Variants in AAK1 observed in about 807,000 individuals in gnomAD.
AAK1 encodes AP2-associated protein kinase 1.
A neutral mutation model predicts 116.0 loss-of-function variants in AAK1; 37 were observed. The observed-to-expected ratio is 0.32, with a 90% confidence interval of 0.25 to 0.42. AAK1 has a LOEUF of 0.42. Ranked by LOEUF, AAK1 falls within the 10% of genes least tolerant of loss-of-function variation. The pLI is 1.00. For missense variants in AAK1, 919 were observed against 1,170.6 expected (o/e 0.79, Z 3.14); for synonymous variants, 458 against 439.9 (o/e 1.04, Z -0.51).
chr2:69,557,075 G>A, intron 2 of AAK1, 97 bp from the exon 3 acceptor site: 1 of 817,092 alleles, frequency 1.2e-6, no homozygotes, highest in Non-Finnish European at 2.1e-6. Flanking sequence ...ACTGCTAATG[G>A]TACTAATGCC....
intron 11 of AAK1, 87 bp from the exon 12 acceptor site, chr2:69,519,327 G>T (rs1470631809): frequency 9.7e-6 from 14 of 1,450,292 alleles, no homozygotes; most frequent in Non-Finnish European, 1.3e-5. Context: ...CTAATAGGGG[G>T]TGACAAGTGT....
chr2:69,620,865 G>C (rs900340005), intron 2 of AAK1, among the ~76,000 whole-genome samples: 3 of 152,150 alleles, frequency 2.0e-5, no homozygotes, highest in African/African-American at 7.2e-5. Flanking sequence ...TCCCTGTATG[G>C]ACAGCTTCAA....
intron 2 of AAK1, among the ~76,000 whole-genome samples, chr2:69,629,104 A>T (rs1675046509): frequency 6.6e-6 from 1 of 152,244 alleles, no homozygotes. Context: ...GAGGGTATAC[A>T]GCCAATCCCC....
chr2:69,524,408 TC>T (rs1279878920), intron 10 of AAK1, among the ~76,000 whole-genome samples: 3 of 136,382 alleles, frequency 2.2e-5, no homozygotes, highest in South Asian at 2.5e-4. Flanking sequence ...CTAGCAACAT[TC>T]TTTTTTTGTT....
In AAK1 at chr2:69,466,186, C is replaced by T. The variant is rs1397961106; in HGVS notation, c.*9683G>A. ...AAGGCTTGAAACTGGTTCTTTCTTC[C>T]ACCTTGCACTGTCTTTGCTTGCTCA... On this transcript the variant is annotated 3_prime_UTR_variant, in exon 22 of 22. Coordinates refer to ENST00000409085, the MANE Select transcript of AAK1 (RefSeq NM_014911.5). The T allele has an allele frequency of 1.6e-6, 2 of 1,289,886 alleles. No individual in the cohort carries two copies. Among genetic ancestry groups the T allele is most frequent in the Non-Finnish European group, 2.0e-6 (2 of 988,866 alleles). The allele number at this position is 1,289,886 out of a possible 1,614,324, so 79.9% of individuals were successfully genotyped here. A position where few individuals can be genotyped will look rare whatever the true frequency, so the allele number is the denominator to read the frequency against.
Position 69,458,773 on chromosome 2 carries a change from C to CA in AAK1, c.*17095dup, listed in dbSNP as rs1674272942. On this transcript the variant is annotated 3_prime_UTR_variant, in exon 22 of 22. Transcript: ENST00000409085. ...GAATCTCTGGTAGACTCAAAGAGTA[C>CA]AGCTGATTTGCCATTTCAGAGTGAA... 6.6e-6 allele frequency: 1 copy of CA among 152,552 alleles called. No individual in the cohort carries two copies. The highest frequency in any genetic ancestry group is 1.5e-5 in the Non-Finnish European group (1 of 68,028). The allele number at this position is 152,552 out of a possible 1,614,324, so 9.4% of individuals were successfully genotyped here.
intron 10 of AAK1, among the ~76,000 whole-genome samples, chr2:69,522,981 CTG>C (rs1669855797): frequency 1.3e-5 from 2 of 151,976 alleles, no homozygotes; most frequent in African/African-American, 2.4e-5. Context: ...CACTAAGTAA[CTG>C]TGTGATAATG....
intron 12 of AAK1, among the ~76,000 whole-genome samples, chr2:69,518,185 AT>A (rs989955211): frequency 2.6e-5 from 4 of 152,222 alleles, no homozygotes; most frequent in African/African-American, 7.2e-5. Context: ...TGTGAAAAAA[AT>A]ATATGAAAAG....
chr2:69,477,114 T>G (rs765312985), intron 20 of AAK1, 124 bp from the exon 21 acceptor site: 173 of 572,934 alleles, frequency 3.0e-4, no homozygotes, highest in Non-Finnish European at 4.6e-4. Context: ...GTGAAAGGAT[T>G]TATCTTTCTG....
intron 17 of AAK1, among the ~76,000 whole-genome samples, chr2:69,493,811 G>C (rs528539051): frequency 1.3e-5 from 2 of 152,154 alleles, no homozygotes; most frequent in South Asian, 4.1e-4. Context: ...AATGACACAA[G>C]GGAACAAAAC....
intron 3 of AAK1, among the ~76,000 whole-genome samples, chr2:69,549,769 G>A (rs1250631837): frequency 6.6e-6 from 1 of 152,094 alleles, no homozygotes; most frequent in Non-Finnish European, 1.5e-5. Flanking sequence ...AACTATGCTT[G>A]TAAAGTTGAT....
intron 2 of AAK1, among the ~76,000 whole-genome samples, chr2:69,613,732 T>C (rs1674195050): frequency 6.6e-6 from 1 of 152,262 alleles, no homozygotes; most frequent in African/African-American, 2.4e-5. Flanking sequence ...GCAAGCTCCA[T>C]GCCCCTTCCC....
intron 2 of AAK1, among the ~76,000 whole-genome samples, chr2:69,567,447 C>T (rs1163542930): frequency 1.3e-5 from 2 of 152,156 alleles, no homozygotes; most frequent in Non-Finnish European, 2.9e-5. Flanking sequence ...AGGGCAGGGA[C>T]GATGACTGAT....
chr2:69,643,085 A>ATTTTTTT lies in AAK1; in HGVS notation c.-52_-46dup, dbSNP rs4067981. ...AAAGCAAAATACCGATGGTTTCTAG[A>ATTTTTTT]TTTTTTTTTTTTTTTTTTTTTTTTA... On this transcript the variant is annotated 5_prime_UTR_variant, in exon 2 of 22. Transcript: ENST00000409085. The ATTTTTTT allele has an allele frequency of 3.5e-5, 44 of 1,265,020 alleles. No individual in the cohort carries two copies. The highest frequency in any genetic ancestry group is 5.8e-4 in the Middle Eastern group (2 of 3,432). 78.4% of individuals were successfully genotyped at this position (1,265,020 alleles called of 1,614,324 possible). A position where few individuals can be genotyped will look rare whatever the true frequency, so the allele number is the denominator to read the frequency against.
At chr2:69,607,519 C>T (rs887834825) in intron 2 of AAK1, among the ~76,000 whole-genome samples, 1 of 152,152 alleles carries the variant, frequency 6.6e-6, no homozygotes, top group Non-Finnish European at 1.5e-5. Flanking sequence ...AAATGGTACT[C>T]AGGAATAAAA....
chr2:69,532,216 G>A, intron 5 of AAK1, 54 bp from the exon 6 acceptor site: 2 of 1,600,608 alleles, frequency 1.2e-6, no homozygotes, highest in Non-Finnish European at 1.7e-6. Context: ...TAATGCACGT[G>A]AAAATTTGGT....
intron 2 of AAK1, among the ~76,000 whole-genome samples, chr2:69,575,552 C>G (rs1466385396): frequency 2.0e-5 from 3 of 151,084 alleles, no homozygotes; most frequent in Non-Finnish European, 2.9e-5. Context: ...TCACTGCAAC[C>G]TCCGCCCACT....
At chr2:69,501,141 G>A (rs1049756973) in intron 16 of AAK1, among the ~76,000 whole-genome samples, 3 of 152,120 alleles carry the variant, frequency 2.0e-5, no homozygotes, top group African/African-American at 7.2e-5. Context: ...AACAGTCAAT[G>A]CTTTACACAT....
At chr2:69,585,613 T>G (rs1329603880) in intron 2 of AAK1, among the ~76,000 whole-genome samples, 2 of 152,172 alleles carry the variant, frequency 1.3e-5, no homozygotes, top group Non-Finnish European at 2.9e-5. Context: ...GTATCTCTCC[T>G]GCATCGTTAA....
Sources: gnomAD v4.1 joint callset for allele counts (sites outside exome capture counted in the v4.1 genomes callset) on GRCh38, gnomAD v4.1.1 for gene constraint, MANE v1.5 for transcripts, NCBI Gene and HGNC (gene_info 2026-07-23, HGNC 2026-07-21) for gene names.